Variants in MROH2B observed in about 807,000 individuals in gnomAD.
MROH2B encodes the protein maestro heat-like repeat-containing protein family member 2B.
MROH2B carries 177 observed loss-of-function variants against 208.6 expected under a neutral mutation model. The ratio of observed to expected loss-of-function variants is 0.85; its 90% CI spans 0.75 to 0.96. The LOEUF is 0.96. Ranked by LOEUF, MROH2B falls within the 40% of genes least tolerant of loss-of-function variation. The pLI, the probability that MROH2B is intolerant of heterozygous loss-of-function variation, is 0.00. For synonymous variants in MROH2B, 728 were observed against 659.0 expected, an observed-to-expected ratio of 1.10 and a Z score of -1.60; for missense variants, 2,002 against 1,878.7, an observed-to-expected ratio of 1.07 and a Z score of -1.21.
intron 6 of MROH2B, among the ~76,000 whole-genome samples, chr5:41,060,334 T>G (rs935661092): frequency 6.6e-6 from 1 of 152,208 alleles, no homozygotes; most frequent in African/African-American, 2.4e-5. Context: ...TCTACTGCAG[T>G]ACTCAAATCC....
chr5:41,043,690 G>C (rs555073009), intron 18 of MROH2B, among the ~76,000 whole-genome samples: 1 of 152,324 alleles, frequency 6.6e-6, no homozygotes, highest in African/African-American at 2.4e-5. Context: ...TCCTATTTCT[G>C]TCCATGTCTC....
Position 41,069,740 on chromosome 5 carries a change from T to A in MROH2B, c.41A>T (p.Asp14Val). 1 of 1,604,656 alleles carries A rather than the reference T, an allele frequency of 6.2e-7. No homozygotes were observed. Among genetic ancestry groups the A allele is most frequent in the Non-Finnish European group, 8.5e-7 (1 of 1,173,884 alleles). ...CAGCATGCCAAGAGTGAGGTTAATA[T>A]CCCCAAACATCTCTAAAACGTACAG... ...STEESIEMFGDINLTLGMLNK... is the reference protein window; with the variant it reads ...STEESIEMFGVINLTLGMLNK... The change falls in exon 2 of 42, where the codon GAT becomes GTT. Residue 14 changes from aspartate (D) to valine (V), a missense_variant. By Grantham distance (152) the Asp-to-Val change is radical. Transcript: ENST00000399564.
intron 19 of MROH2B, 112 bp from the exon 20 acceptor site, chr5:41,039,667 G>C: frequency 1.4e-6 from 1 of 689,888 alleles, no homozygotes; most frequent in Non-Finnish European, 2.4e-6. Flanking sequence ...GGGTACAGTA[G>C]TTTGCAGAAC....
chr5:41,009,993 GA>G lies in MROH2B; in HGVS notation c.3221del (p.Ile1074ThrfsTer4). The G allele has an allele frequency of 5.6e-6, 9 of 1,613,876 alleles. No individual in the cohort carries two copies. The highest frequency in any genetic ancestry group is 7.6e-6 in the Non-Finnish European group (9 of 1,179,804). The part of the protein sequence containing the change: ...EESFQFILEA[I>X]SQIASFHMDT... ...CCATGTGAAAGCTGGCTATCTGGGA[GA>G]TGGCTTCTAGAATGAACTGAAAACT... is the stretch of plus-strand genomic sequence containing the variant. On this transcript the variant is annotated frameshift_variant, in exon 31 of 42. Coordinates refer to ENST00000399564, the MANE Select transcript of MROH2B (RefSeq NM_173489.5). LOFTEE classifies it high-confidence loss of function.
chr5:41,014,472 A>G (rs2111851056), intron 29 of MROH2B, among the ~76,000 whole-genome samples: 1 of 152,238 alleles, frequency 6.6e-6, no homozygotes, highest in East Asian at 1.9e-4. Flanking sequence ...GCATTAGGAG[A>G]TATACCTAAT....
chr5:41,060,247 A>G (rs1743594002), intron 6 of MROH2B, among the ~76,000 whole-genome samples: 1 of 152,084 alleles, frequency 6.6e-6, no homozygotes, highest in Admixed American at 6.5e-5. Context: ...GAATATTTCT[A>G]TAGCCTCCTA....
chr5:41,031,506 C>T (rs1742568254), intron 24 of MROH2B, among the ~76,000 whole-genome samples: 1 of 152,038 alleles, frequency 6.6e-6, no homozygotes, highest in Non-Finnish European at 1.5e-5. Flanking sequence ...AATGGGGGCA[C>T]TATGGGTGGT....
chr5:41,044,083 CAAA>C (rs57264129), intron 18 of MROH2B, among the ~76,000 whole-genome samples: 9 of 130,242 alleles, frequency 6.9e-5, no homozygotes, highest in East Asian at 2.4e-4. Context: ...ACTAAAAATA[CAAA>C]AAAAAAAAAA....
At chr5:41,069,103 T>C (rs1177755120) in intron 2 of MROH2B, among the ~76,000 whole-genome samples, 1 of 152,210 alleles carries the variant, frequency 6.6e-6, no homozygotes, top group Non-Finnish European at 1.5e-5. Flanking sequence ...GTAACTTCTC[T>C]CTGCCTAATT....
At chr5:41,035,896 G>T (rs1445742410) in intron 21 of MROH2B, among the ~76,000 whole-genome samples, 1 of 152,068 alleles carries the variant, frequency 6.6e-6, no homozygotes, top group African/African-American at 2.4e-5. Flanking sequence ...TGGGGGGAAT[G>T]TAAATTAGTT....
At chr5:41,035,289 T>C (rs1742718913) in intron 21 of MROH2B, among the ~76,000 whole-genome samples, 1 of 151,984 alleles carries the variant, frequency 6.6e-6, no homozygotes, top group South Asian at 2.1e-4. Context: ...CCATACAGCA[T>C]ATGATCTTTG....
intron 16 of MROH2B, 83 bp from the exon 17 acceptor site, chr5:41,047,847 T>C (rs111555581): frequency 1.0e-5 from 11 of 1,100,056 alleles, no homozygotes; most frequent in African/African-American, 1.6e-5. Context: ...CCTCCAGTGA[T>C]ACTGGAGTTC....
intron 34 of MROH2B, 88 bp downstream of exon 34, chr5:41,007,226 T>G: frequency 3.2e-6 from 4 of 1,254,788 alleles, no homozygotes; most frequent in Non-Finnish European, 4.2e-6. Flanking sequence ...TCAATTATGC[T>G]CAGTGAAGTT....
Position 41,000,693 on chromosome 5 carries a change from G to T in MROH2B, c.4335C>A (p.Asn1445Lys), listed in dbSNP as rs185230674. The T allele has an allele frequency of 1.6e-4, 258 of 1,611,494 alleles. No homozygotes were observed. The highest frequency in any genetic ancestry group is 2.0e-4 in the Non-Finnish European group (239 of 1,178,952). The change falls in exon 38 of 42, where the codon AAC becomes AAA. Residue 1445 changes from asparagine (N) to lysine (K), a missense_variant. Transcript: ENST00000399564. Reference sequence around the variant, plus strand: ...GAGCACTTACAACTCCAATCTTGGGGTTGGGATCCCAAAGGTGCAGAAGGA... The same window carrying T: ...GAGCACTTACAACTCCAATCTTGGGTTTGGGATCCCAAAGGTGCAGAAGGA... ...ISFLLHLWDP[N>K]PKIGVACRDV... is the part of the protein sequence containing the mutation.
intron 9 of MROH2B, 24 bp from the exon 10 acceptor site, chr5:41,055,879 G>C: frequency 6.6e-7 from 1 of 1,522,326 alleles, no homozygotes. Context: ...AAACACTAGA[G>C]CTGTAACTCA....
At chr5:41,047,978 C>T (rs933676726) in intron 16 of MROH2B, among the ~76,000 whole-genome samples, 32 of 152,186 alleles carry the variant, frequency 2.1e-4, no homozygotes, top group Non-Finnish European at 3.8e-4. Context: ...AGGCTTTTTG[C>T]TAATTTTGAT....
chr5:41,008,285 C>A (rs914802157), intron 33 of MROH2B, among the ~76,000 whole-genome samples: 1 of 151,872 alleles, frequency 6.6e-6, no homozygotes, highest in African/African-American at 2.4e-5. Flanking sequence ...TCTTTTTTCC[C>A]TGGTGGCCTT....
At chr5:40,999,867 T>G in intron 39 of MROH2B, 88 bp from the exon 40 acceptor site, 1 of 1,171,556 alleles carries the variant, frequency 8.5e-7, no homozygotes, top group Non-Finnish European at 1.2e-6. Context: ...AACGGATTTG[T>G]AAAGGCCAGT....
chr5:41,026,340 T>G (rs1435557325), intron 24 of MROH2B, among the ~76,000 whole-genome samples: 1 of 152,190 alleles, frequency 6.6e-6, no homozygotes, highest in East Asian at 1.9e-4. Flanking sequence ...CAGCAAAGTC[T>G]CAGGATACAA....
Sources: allele counts gnomAD v4.1 joint callset (sites outside exome capture counted in the v4.1 genomes callset), GRCh38; gene constraint gnomAD v4.1.1; transcripts MANE v1.5; gene names NCBI Gene and HGNC (gene_info 2026-07-23, HGNC 2026-07-21).